Variants in ACP3 observed in about 807,000 individuals in gnomAD.
The protein encoded by ACP3 is acid phosphatase 3.
ACP3 carries 38 observed loss-of-function variants against 45.6 expected under a neutral mutation model. The observed-to-expected ratio is 0.83, with a 90% CI of 0.64 to 1.09. The LOEUF (loss-of-function observed/expected upper bound fraction) is 1.09. Among genes scored for constraint, ACP3 ranks in the 50% least tolerant of loss-of-function variants. The pLI is 0.00. For missense variants in ACP3, 466 were observed against 463.2 expected, an observed-to-expected ratio of 1.01 and a Z score of -0.05; for synonymous variants, 162 against 164.7, an observed-to-expected ratio of 0.98 and a Z score of 0.13.
intron 1 of ACP3, among the ~76,000 whole-genome samples, chr3:132,318,196 A>T (rs1384460940): frequency 6.6e-6 from 1 of 152,186 alleles, no homozygotes; most frequent in African/African-American, 2.4e-5. Flanking sequence ...TATACTGTTG[A>T]CATTGTTTGA....
chr3:132,355,199 T>C (rs1295695514), intron 9 of ACP3, among the ~76,000 whole-genome samples: 1 of 152,210 alleles, frequency 6.6e-6, no homozygotes. Context: ...CACGTCAGCC[T>C]TTTAAAGGGG....
At chr3:132,361,980 C>T (rs1265390942), downstream of ACP3, among the ~76,000 whole-genome samples, 1 of 152,210 alleles carries the variant, frequency 6.6e-6, no homozygotes, top group Non-Finnish European at 1.5e-5. Context: ...CTCATCAAAA[C>T]ACCATCAAGT....
In ACP3 at chr3:132,355,275, G is replaced by A. The variant is rs73862327; in HGVS notation, c.969-1411G>A. ...TGACTTGGTCCTACCTAGGTACAACGTAGTCTTGGCAATGTGGTCACTTCT... is the reference window on the plus strand; with the variant it reads ...TGACTTGGTCCTACCTAGGTACAACATAGTCTTGGCAATGTGGTCACTTCT... On this transcript the variant is annotated intron_variant, in intron 9 of 9. Transcript: ENST00000336375. Among the ~76,000 whole-genome samples, 1,440 of 152,242 alleles carry A rather than the reference G, an allele frequency of 9.5e-3. 19 individuals are homozygous for A. Among genetic ancestry groups the A allele is most frequent in the African/African-American group, 0.032 (1,330 of 41,542 alleles).
Position 132,342,562 on chromosome 3 carries a change from C to T in ACP3, c.566C>T (p.Ala189Val), listed in dbSNP as rs918920096. Reference sequence around the variant, plus strand: ...CTGTTTGTGTTTCAGGATTTTATAGCTACCTTGGGAAAACTTTCAGGATTA... The same window carrying T: ...CTGTTTGTGTTTCAGGATTTTATAGTTACCTTGGGAAAACTTTCAGGATTA... ...KRLHPYKDFIATLGKLSGLHG... is the reference protein window; with the variant it reads ...KRLHPYKDFIVTLGKLSGLHG... Residue 189 changes from alanine (A) to valine (V), a missense_variant, in exon 6 of 10, where the codon GCT becomes GTT. Physicochemically the swap from Ala to Val is moderately conservative, Grantham distance 64. Coordinates refer to ENST00000336375, the MANE Select transcript of ACP3 (RefSeq NM_001099.5). The T allele has an allele frequency of 1.2e-6, 2 of 1,610,846 alleles. No individual in the cohort carries two copies. The highest frequency in any genetic ancestry group is 8.5e-7 in the Non-Finnish European group (1 of 1,178,674).
Position 132,356,972 on chromosome 3 carries a change from G to C in ACP3, c.*94G>C. On this transcript the variant is annotated 3_prime_UTR_variant, in exon 10 of 10. Transcript: ENST00000336375. The stretch of plus-strand genomic sequence containing the variant: ...CTTTGGCCATTACCCCCAGCTTTGA[G>C]GAAAATGGGCTTTGGATGATTATTT... 1 of 1,465,116 alleles carries C rather than the reference G, an allele frequency of 6.8e-7. No homozygotes were observed. Among genetic ancestry groups the C allele is most frequent in the Non-Finnish European group, 9.0e-7 (1 of 1,108,456 alleles). The allele number at this position is 1,465,116 out of a possible 1,614,324, so 90.8% of individuals were successfully genotyped here.
chr3:132,356,711 C>T lies in ACP3; in HGVS notation c.994C>T (p.Arg332Trp), dbSNP rs770158263. The T allele has an allele frequency of 1.7e-5, 28 of 1,613,906 alleles. No homozygotes were observed. The highest frequency in any genetic ancestry group is 1.7e-4 in the Middle Eastern group (1 of 6,030). Residue 332 changes from arginine (R) to tryptophan (W), a missense_variant, in exon 10 of 10, where the codon CGG (arginine) becomes TGG (tryptophan). By Grantham distance (101) the Arg-to-Trp change is moderately radical. Coordinates refer to ENST00000336375, the MANE Select transcript of ACP3 (RefSeq NM_001099.5). ...KGEYFVEMYY[R>W]NETQHEPYPL... Reference sequence around the variant, plus strand: ...GGAGTACTTTGTGGAGATGTACTATCGGAATGAGACGCAGCACGAGCCGTA... The same window carrying T: ...GGAGTACTTTGTGGAGATGTACTATTGGAATGAGACGCAGCACGAGCCGTA...
intron 2 of ACP3, among the ~76,000 whole-genome samples, chr3:132,329,006 T>G (rs944096069): frequency 3.3e-5 from 5 of 152,234 alleles, no homozygotes; most frequent in African/African-American, 1.2e-4. Context: ...GATTTGACCT[T>G]CCTTATAAGT....
At chr3:132,336,133 G>A (rs1042712660) in intron 4 of ACP3, among the ~76,000 whole-genome samples, 2 of 152,026 alleles carry the variant, frequency 1.3e-5, no homozygotes, top group Admixed American at 6.6e-5. Flanking sequence ...GGTGGCAGGC[G>A]CCTGTAGTCC....
At chr3:132,343,610 T>C (rs1937575500) in intron 6 of ACP3, among the ~76,000 whole-genome samples, 1 of 152,150 alleles carries the variant, frequency 6.6e-6, no homozygotes, top group Admixed American at 6.5e-5. Context: ...TCCAAATCTC[T>C]CTCACTTATT....
At chr3:132,363,755 A>C (rs1213105759), downstream of ACP3, among the ~76,000 whole-genome samples, 1 of 151,838 alleles carries the variant, frequency 6.6e-6, no homozygotes, top group African/African-American at 2.4e-5. Context: ...CTGACCAACA[A>C]GGTGAAACCC....
chr3:132,348,484 G>C (rs1216874013), intron 7 of ACP3, among the ~76,000 whole-genome samples: 1 of 151,996 alleles, frequency 6.6e-6, no homozygotes, highest in Non-Finnish European at 1.5e-5. Context: ...ATCACTCCTG[G>C]GATAAGGGTG....
chr3:132,347,446 T>C (rs1301650947), intron 7 of ACP3, among the ~76,000 whole-genome samples: 1 of 152,088 alleles, frequency 6.6e-6, no homozygotes, highest in East Asian at 1.9e-4. Flanking sequence ...TTTTGTTAGT[T>C]TGTTTTGTTT....
intron 1 of ACP3, among the ~76,000 whole-genome samples, chr3:132,323,613 C>T (rs574643264): frequency 9.2e-5 from 14 of 152,064 alleles, no homozygotes; most frequent in African/African-American, 2.9e-4. Context: ...TGAGAGAAGA[C>T]GCAGACTTGA....
intron 1 of ACP3, among the ~76,000 whole-genome samples, chr3:132,327,630 C>T (rs1330297816): frequency 1.3e-5 from 2 of 151,838 alleles, no homozygotes; most frequent in Non-Finnish European, 2.9e-5. Context: ...ACCAGCCTGG[C>T]CAACATGGTG....
At chr3:132,343,053 G>C (rs1185528306) in intron 6 of ACP3, among the ~76,000 whole-genome samples, 2 of 152,174 alleles carry the variant, frequency 1.3e-5, no homozygotes, top group African/African-American at 4.8e-5. Context: ...AAATAAACAA[G>C]CAAAATATAA....
exon 11 of ACP3, chr3:132,367,728 C>A: frequency 6.2e-7 from 1 of 1,613,418 alleles, no homozygotes; most frequent in Admixed American, 1.7e-5. Flanking sequence ...TTTGCTGTTG[C>A]CTTTTGCCTG....
intron 5 of ACP3, among the ~76,000 whole-genome samples, chr3:132,339,976 G>A (rs1160620347): frequency 6.6e-6 from 1 of 152,136 alleles, no homozygotes; most frequent in Non-Finnish European, 1.5e-5. Context: ...ATACTTTGGA[G>A]ACTCCAAGGA....
chr3:132,330,395 G>A (rs960719843), intron 2 of ACP3, among the ~76,000 whole-genome samples: 1 of 152,144 alleles, frequency 6.6e-6, no homozygotes, highest in African/African-American at 2.4e-5. Context: ...TCACCATCAC[G>A]TGGGAACTTC....
downstream of ACP3, among the ~76,000 whole-genome samples, chr3:132,359,377 G>T (rs536315336): frequency 3.3e-5 from 5 of 152,080 alleles, no homozygotes; most frequent in Admixed American, 6.5e-5. Flanking sequence ...GCATGGTGGC[G>T]GGCACCTGTA....
Sources: gnomAD v4.1 joint callset for allele counts (sites outside exome capture counted in the v4.1 genomes callset) on GRCh38, gnomAD v4.1.1 for gene constraint, MANE v1.5 for transcripts, NCBI Gene and HGNC (gene_info 2026-07-23, HGNC 2026-07-21) for gene names.